The following ALDH1A3 variants were observed in gnomAD, a reference collection of about 807,000 sequenced individuals.
ALDH1A3 encodes the protein aldehyde dehydrogenase 1 family member A3.
In ALDH1A3, 28 loss-of-function variants were observed where a neutral mutation model predicts 57.5. That is an observed-to-expected ratio of 0.49 (90% CI 0.36 to 0.67). ALDH1A3 has a LOEUF of 0.67. Ranked by LOEUF, ALDH1A3 falls within the 30% of genes least tolerant of loss-of-function variation. ALDH1A3 has a pLI of 0.00. For synonymous variants in ALDH1A3, 281 were observed against 264.8 expected, an observed-to-expected ratio of 1.06 and a Z score of -0.59; for missense variants, 507 against 669.4, an observed-to-expected ratio of 0.76 and a Z score of 2.68.
At position 100,893,197 on chromosome 15, in the gene ALDH1A3, C is replaced by A; in HGVS notation, c.537+191C>A. On this transcript the variant is annotated intron_variant, in intron 5 of 12. Coordinates refer to ENST00000329841, the MANE Select transcript of ALDH1A3 (RefSeq NM_000693.4). The surrounding 1 kb of genome is among the most constrained non-coding windows in gnomAD (Gnocchi z 4.8). ...AGACCCCATTTCTGCTCTCCTAAGA[C>A]CGGCTTTAGGCATGCCACAGAAAGC... is the stretch of plus-strand genomic sequence containing the variant. The A allele has an allele frequency of 6.0e-6, 3 of 502,068 alleles. No individual in the cohort carries two copies. The highest frequency in any genetic ancestry group is 3.4e-5 in the Admixed American group (1 of 29,482). 31.1% of individuals were successfully genotyped at this position (502,068 alleles called of 1,614,324 possible).
At chr15:100,895,549 C>G in intron 6 of ALDH1A3, 1 of 202,146 alleles carries the variant, frequency 4.9e-6, no homozygotes, top group Non-Finnish European at 1.0e-5. Context: ...AGGTACCCCT[C>G]TCCCCTTAAC....
In ALDH1A3 at chr15:100,892,649, G is replaced by A; in HGVS notation, c.475+10G>A. On this transcript the variant is annotated intron_variant, in intron 4 of 12. Transcript: ENST00000329841. ...AAGACCATCCCCACAGGTGAGCAAGGTGGATTATAGCTTCATTTGGGATCC... is the reference window on the plus strand; with the variant it reads ...AAGACCATCCCCACAGGTGAGCAAGATGGATTATAGCTTCATTTGGGATCC... 1 of 1,600,158 alleles carries A rather than the reference G, an allele frequency of 6.2e-7. No individual in the cohort carries two copies. Among genetic ancestry groups the A allele is most frequent in the Non-Finnish European group, 8.5e-7 (1 of 1,176,216 alleles).
In ALDH1A3 at chr15:100,906,605, C is replaced by T. The variant is rs1466592712; in HGVS notation, c.1234-516C>T. On this transcript the variant is annotated intron_variant, in intron 10 of 12. Coordinates refer to ENST00000329841, the MANE Select transcript of ALDH1A3 (RefSeq NM_000693.4). The surrounding 1 kb of genome is among the most constrained non-coding windows in gnomAD (Gnocchi z 4.8). Reference sequence around the variant, plus strand: ...TTTAAATGTTCAAGCCTTAGTTCTTCCATTTCCTTTTCTTTGCTGTGTCAC... The same window carrying T: ...TTTAAATGTTCAAGCCTTAGTTCTTTCATTTCCTTTTCTTTGCTGTGTCAC... Among the ~76,000 whole-genome samples the T allele has an allele frequency of 6.6e-6, 1 of 152,192 alleles. No homozygotes were observed. Among genetic ancestry groups the T allele is most frequent in the Non-Finnish European group, 1.5e-5 (1 of 68,028 alleles).
intron 1 of ALDH1A3, among the ~76,000 whole-genome samples, chr15:100,883,903 A>C (rs536373508): frequency 6.6e-6 from 1 of 152,324 alleles, no homozygotes; most frequent in South Asian, 2.1e-4. Context: ...CAAATGAATC[A>C]ATTTCACAAT....
Position 100,915,080 on chromosome 15 carries a change from G to T in ALDH1A3, c.*307G>T. 1 of 368,296 alleles carries T rather than the reference G, an allele frequency of 2.7e-6. No homozygotes were observed. Among genetic ancestry groups the T allele is most frequent in the South Asian group, 3.2e-5 (1 of 31,632 alleles). 22.8% of individuals were successfully genotyped at this position (368,296 alleles called of 1,614,324 possible). A position where few individuals can be genotyped will look rare whatever the true frequency, so the allele number is the denominator to read the frequency against. ...ACTCAGGGCGTTGTTAACAGGGAGT[G>T]GTATTTGAAGTGTCCAGCAGTTGCT... On this transcript the variant is annotated 3_prime_UTR_variant, in exon 13 of 13. Transcript: ENST00000329841.
In ALDH1A3 at chr15:100,894,211, T is replaced by C; in HGVS notation, c.666+129T>C. 8.1e-7 allele frequency: 1 copy of C among 1,238,054 alleles called. No individual in the cohort carries two copies. Among genetic ancestry groups the C allele is most frequent in the Non-Finnish European group, 1.1e-6 (1 of 891,200 alleles). 76.7% of individuals were successfully genotyped at this position (1,238,054 alleles called of 1,614,324 possible). A position where few individuals can be genotyped will look rare whatever the true frequency, so the allele number is the denominator to read the frequency against. ...CGAGTGGGAAGGGAATGACTTCCAG[T>C]GTTTTGTTTGGCGACTGCACGTTCT... On this transcript the variant is annotated intron_variant, in intron 6 of 12. Transcript: ENST00000329841. The surrounding 1 kb of genome is among the most constrained non-coding windows in gnomAD (Gnocchi z 4.5).
At chr15:100,885,174 A>G in intron 1 of ALDH1A3, 93 bp from the exon 2 acceptor site, 1 of 870,528 alleles carries the variant, frequency 1.1e-6, no homozygotes, top group Non-Finnish European at 1.9e-6. Context: ...GAAGGTGGAC[A>G]AGATGGATAA....
intron 12 of ALDH1A3, among the ~76,000 whole-genome samples, chr15:100,909,001 C>A (rs2041854006): frequency 6.6e-6 from 1 of 152,124 alleles, no homozygotes; most frequent in Non-Finnish European, 1.5e-5. Context: ...AAGCCTACTG[C>A]AAATCCCTCC....
intron 12 of ALDH1A3, among the ~76,000 whole-genome samples, chr15:100,911,032 T>C (rs1403471242): frequency 6.6e-6 from 1 of 152,284 alleles, no homozygotes; most frequent in African/African-American, 2.4e-5. Context: ...TGTGTCCTCC[T>C]GCCAGTTAGC....
chr15:100,895,845 G>A lies in ALDH1A3; in HGVS notation c.667-88G>A, dbSNP rs965246556. ...CGGCCCGGGTTCCCTGTGGGGATGT[G>A]AGGCAGCCACGGCTCTCTCGGCCCA... On this transcript the variant is annotated intron_variant, in intron 6 of 12. Coordinates refer to ENST00000329841, the MANE Select transcript of ALDH1A3 (RefSeq NM_000693.4). 8 of 1,186,570 alleles carry A rather than the reference G, an allele frequency of 6.7e-6. No individual in the cohort carries two copies. The Admixed American group carries it at 1.6e-4, about 24-fold the overall frequency. The allele number at this position is 1,186,570 out of a possible 1,614,324, so 73.5% of individuals were successfully genotyped here. A position where few individuals can be genotyped will look rare whatever the true frequency, so the allele number is the denominator to read the frequency against.
chr15:100,898,160 C>T lies in ALDH1A3; in HGVS notation c.858C>T (p.Pro286=), dbSNP rs747087763. The change falls in exon 8 of 13, where the codon CCC becomes CCT. Residue 286 remains proline (P), a synonymous_variant. Coordinates refer to ENST00000329841, the MANE Select transcript of ALDH1A3 (RefSeq NM_000693.4). ...CGCTGGAGCTGGGGGGGAAGAACCC[C>T]TGCATCGTGTGTGCGGACGCTGACT... The part of the protein sequence containing the change: ...RVTLELGGKN[P]CIVCADADLD... 58 of 1,614,048 alleles carry T rather than the reference C, an allele frequency of 3.6e-5. No individual in the cohort carries two copies. Among genetic ancestry groups the T allele is most frequent in the Middle Eastern group, 3.3e-4 (2 of 6,084 alleles).
At chr15:100,891,415 T>G (rs923010699) in intron 3 of ALDH1A3, among the ~76,000 whole-genome samples, 19 of 152,224 alleles carry the variant, frequency 1.2e-4, no homozygotes, top group African/African-American at 4.3e-4. Flanking sequence ...TGCCCTGCAG[T>G]CTTTCCAGAC....
Position 100,915,040 on chromosome 15 carries a change from T to G in ALDH1A3, c.*267T>G, listed in dbSNP as rs1403324737. 4.3e-6 allele frequency: 2 copies of G among 466,542 alleles called. No homozygotes were observed. The highest frequency in any genetic ancestry group is 7.9e-6 in the Non-Finnish European group (2 of 254,620). 28.9% of individuals were successfully genotyped at this position (466,542 alleles called of 1,614,324 possible). A position where few individuals can be genotyped will look rare whatever the true frequency, so the allele number is the denominator to read the frequency against. On this transcript the variant is annotated 3_prime_UTR_variant, in exon 13 of 13. Coordinates refer to ENST00000329841, the MANE Select transcript of ALDH1A3 (RefSeq NM_000693.4). ...CTGTGTTTCCCTTTAAACCAGATCCTGGAGACAGTGAGATACTCAGGGCGT... is the reference window on the plus strand; with the variant it reads ...CTGTGTTTCCCTTTAAACCAGATCCGGGAGACAGTGAGATACTCAGGGCGT...
intron 1 of ALDH1A3, chr15:100,880,555 G>T: frequency 4.4e-6 from 1 of 229,878 alleles, no homozygotes; most frequent in Non-Finnish European, 8.4e-6. Flanking sequence ...GTTTATACCC[G>T]GCTCAGCAGC....
rs117760371 is a variant in ALDH1A3 at position 100,889,430 on chromosome 15, G to A, written c.345+1718G>A. Among the ~76,000 whole-genome samples the A allele has an allele frequency of 5.3e-3, 805 of 152,262 alleles. 6 individuals are homozygous for A. Among genetic ancestry groups the A allele is most frequent in the Middle Eastern group, 0.017 (5 of 294 alleles). On this transcript the variant is annotated intron_variant, in intron 3 of 12. Coordinates refer to ENST00000329841, the MANE Select transcript of ALDH1A3 (RefSeq NM_000693.4). This position sits in a 1 kb window ranked among gnomAD's most constrained non-coding sequence, Gnocchi z 5.1. ...AGCCCGGCCAGTCCACATGTTCCCC[G>A]GGTGAGAGTAGCTCCCTCCCAGGGT...
Position 100,908,492 on chromosome 15 carries a change from T to G in ALDH1A3, c.1466+10T>G. 6.2e-7 allele frequency: 1 copy of G among 1,607,264 alleles called. No homozygotes were observed. Among genetic ancestry groups the G allele is most frequent in the Non-Finnish European group, 8.5e-7 (1 of 1,173,814 alleles). ...GAAATGGCAGAGAACTGTAAGTGTT[T>G]CCATCATTCTGAGCCTGCCGTGGGC... On this transcript the variant is annotated intron_variant, in intron 12 of 12. Coordinates refer to ENST00000329841, the MANE Select transcript of ALDH1A3 (RefSeq NM_000693.4).
intron 9 of ALDH1A3, 92 bp downstream of exon 9, chr15:100,900,851 G>A (rs1449833982): frequency 2.0e-5 from 28 of 1,367,464 alleles, no homozygotes; most frequent in Admixed American, 4.3e-5. Context: ...CCCTCTCCGT[G>A]AAAGGAATGC....
At chr15:100,911,263 T>TC (rs1371985750) in intron 12 of ALDH1A3, among the ~76,000 whole-genome samples, 3 of 152,206 alleles carry the variant, frequency 2.0e-5, no homozygotes, top group African/African-American at 7.2e-5. Flanking sequence ...GTTTTCCCCG[T>TC]CCCCGGCCAC....
At position 100,893,380 on chromosome 15, in the gene ALDH1A3, A is replaced by G. The variant is rs565810388; in HGVS notation, c.537+374A>G. On this transcript the variant is annotated intron_variant, in intron 5 of 12. Transcript: ENST00000329841. This position sits in a 1 kb window ranked among gnomAD's most constrained non-coding sequence, Gnocchi z 4.8. Reference sequence around the variant, plus strand: ...GCAAAAGTGCAGAGGTGGCTGGGCTACTTGGAAGGGAACAGCAGGAAAGCT... The same window carrying G: ...GCAAAAGTGCAGAGGTGGCTGGGCTGCTTGGAAGGGAACAGCAGGAAAGCT... 4.1e-4 allele frequency: 78 copies of G among 189,878 alleles called. No individual in the cohort carries two copies. The highest frequency in any genetic ancestry group is 1.7e-3 in the African/African-American group (73 of 43,046). The allele number at this position is 189,878 out of a possible 1,614,324, so 11.8% of individuals were successfully genotyped here.
Sources: gnomAD v4.1 joint callset for allele counts (sites outside exome capture counted in the v4.1 genomes callset) on GRCh38, gnomAD v4.1.1 for gene constraint, Gnocchi (gnomAD v3.1) non-coding constraint, MANE v1.5 for transcripts, NCBI Gene and HGNC (gene_info 2026-07-23, HGNC 2026-07-21) for gene names.